Variants in BCAS1 observed in about 807,000 individuals in gnomAD.
BCAS1 encodes brain enriched myelin associated protein 1.
A neutral mutation model predicts 65.4 loss-of-function variants in BCAS1; 46 were observed. That is an observed-to-expected ratio of 0.70 (90% CI 0.55 to 0.90). The LOEUF (loss-of-function observed/expected upper bound fraction) is 0.90, where lower values mean the gene tolerates loss of function less well. BCAS1 is among the 40% of genes least tolerant of loss of function. The probability of loss-of-function intolerance (pLI) is 0.00; values close to 1 mark genes in which losing one functional copy is unlikely to be tolerated. For synonymous variants in BCAS1, 298 were observed against 293.5 expected (o/e 1.02, Z -0.16); for missense variants, 793 against 771.2 (o/e 1.03, Z -0.33).
At chr20:53,949,954 C>G (rs1213462706) in intron 12 of BCAS1, among the ~76,000 whole-genome samples, 1 of 152,176 alleles carries the variant, frequency 6.6e-6, no homozygotes, top group Non-Finnish European at 1.5e-5. Flanking sequence ...AATCACCAGG[C>G]CAATCTCCAT....
intron 1 of BCAS1, among the ~76,000 whole-genome samples, chr20:54,063,481 C>T (rs6127077): frequency 0.14 from 21,116 of 152,122 alleles, 1,938 homozygotes; most frequent in East Asian, 0.32. Context: ...CCGAGGAATC[C>T]AGCAACATTT....
intron 8 of BCAS1, among the ~76,000 whole-genome samples, chr20:53,981,379 GTTTT>G (rs1215968124): frequency 6.6e-6 from 1 of 152,080 alleles, no homozygotes; most frequent in East Asian, 1.9e-4. Context: ...ATTCAGATAC[GTTTT>G]TTAAGTTCTT....
At chr20:54,008,965 C>T (rs1367337329) in intron 4 of BCAS1, among the ~76,000 whole-genome samples, 5 of 152,106 alleles carry the variant, frequency 3.3e-5, no homozygotes, top group African/African-American at 1.2e-4. Flanking sequence ...AGGTGTGCAC[C>T]ACCACGCCCA....
chr20:53,954,529 G>T (rs1473459270), intron 11 of BCAS1, among the ~76,000 whole-genome samples: 1 of 152,200 alleles, frequency 6.6e-6, no homozygotes, highest in Non-Finnish European at 1.5e-5. Context: ...TTTGCTTCAT[G>T]AAATGGTGGT....
At chr20:54,030,599 T>C (rs2091777845) in intron 3 of BCAS1, among the ~76,000 whole-genome samples, 1 of 141,418 alleles carries the variant, frequency 7.1e-6, no homozygotes, top group Non-Finnish European at 1.6e-5. Context: ...GAGAAATACA[T>C]ACACACACAC....
At chr20:54,049,645 A>G (rs941566250) in intron 3 of BCAS1, among the ~76,000 whole-genome samples, 4 of 151,954 alleles carry the variant, frequency 2.6e-5, no homozygotes, top group African/African-American at 9.7e-5. Context: ...GACTCAAGCA[A>G]TCCTCCCACC....
intron 3 of BCAS1, among the ~76,000 whole-genome samples, chr20:54,040,610 C>T (rs1466828791): frequency 6.6e-6 from 1 of 151,206 alleles, no homozygotes; most frequent in Non-Finnish European, 1.5e-5. Context: ...AATGTCATCT[C>T]ATTAGGGAAG....
At chr20:54,000,974 A>G (rs1342851572) in intron 4 of BCAS1, among the ~76,000 whole-genome samples, 1 of 152,116 alleles carries the variant, frequency 6.6e-6, no homozygotes, top group African/African-American at 2.4e-5. Context: ...TCTTCACATC[A>G]TGAGTTACAT....
At chr20:54,043,831 T>C (rs2092047427) in intron 3 of BCAS1, among the ~76,000 whole-genome samples, 1 of 152,180 alleles carries the variant, frequency 6.6e-6, no homozygotes, top group Non-Finnish European at 1.5e-5. Context: ...GTCACTGCTA[T>C]TGGGCACTGC....
At chr20:54,043,756 A>C (rs1439240794) in intron 3 of BCAS1, among the ~76,000 whole-genome samples, 2 of 152,208 alleles carry the variant, frequency 1.3e-5, no homozygotes, top group Admixed American at 1.3e-4. Flanking sequence ...CTCCGGCTAC[A>C]GAAACTGCAC....
chr20:54,034,246 CA>C (rs1348204074), intron 3 of BCAS1, among the ~76,000 whole-genome samples: 1 of 151,348 alleles, frequency 6.6e-6, no homozygotes, highest in African/African-American at 2.4e-5. Context: ...TCTCTCTCAC[CA>C]CTCCTATTCA....
chr20:53,979,754 A>G (rs1939040558), intron 8 of BCAS1, among the ~76,000 whole-genome samples: 1 of 152,220 alleles, frequency 6.6e-6, no homozygotes, highest in African/African-American at 2.4e-5. Context: ...GCATGGATTC[A>G]TGTATGTTCA....
chr20:54,013,258 T>G (rs1164833308), intron 4 of BCAS1, among the ~76,000 whole-genome samples: 1 of 152,022 alleles, frequency 6.6e-6, no homozygotes, highest in African/African-American at 2.4e-5. Flanking sequence ...AAAAATTAAC[T>G]TGGTGTCACA....
chr20:54,046,262 G>A (rs2092102539), intron 3 of BCAS1, among the ~76,000 whole-genome samples: 1 of 152,188 alleles, frequency 6.6e-6, no homozygotes, highest in Admixed American at 6.5e-5. Flanking sequence ...GGGTGCGGTG[G>A]CTCATGCCTG....
chr20:53,964,564 T>A (rs1342915620), intron 10 of BCAS1, among the ~76,000 whole-genome samples: 1 of 152,226 alleles, frequency 6.6e-6, no homozygotes, highest in Non-Finnish European at 1.5e-5. Flanking sequence ...TGGGGATTGC[T>A]GGGGAAAAGT....
At chr20:54,034,607 T>C (rs1374516839) in intron 3 of BCAS1, among the ~76,000 whole-genome samples, 4 of 151,028 alleles carry the variant, frequency 2.6e-5, no homozygotes, top group African/African-American at 9.7e-5. Context: ...AGGAGAATAA[T>C]GAACCAGCGC....
At chr20:53,965,561 A>G (rs4811488) in intron 10 of BCAS1, among the ~76,000 whole-genome samples, 2,996 of 152,330 alleles carry the variant, frequency 0.02, 79 homozygotes, top group East Asian at 0.098. Context: ...AACAGTAAAT[A>G]TATCTATCAC....
chr20:53,985,592 T>C lies in BCAS1; in HGVS notation c.1063-93A>G. Reference sequence around the variant, plus strand: ...TCTTTTTAATAAACATGGGCTGAGGTTATACATAATGTTAATTTTCTTCTT... The same window carrying C: ...TCTTTTTAATAAACATGGGCTGAGGCTATACATAATGTTAATTTTCTTCTT... On this transcript the variant is annotated intron_variant, in intron 7 of 12. Transcript: ENST00000688948. 3 of 1,085,558 alleles carry C rather than the reference T, an allele frequency of 2.8e-6. No homozygotes were observed. In the South Asian group the frequency reaches 4.6e-5, roughly 17 times the overall value. 67.2% of individuals were successfully genotyped at this position (1,085,558 alleles called of 1,614,324 possible).
intron 5 of BCAS1, among the ~76,000 whole-genome samples, chr20:53,995,465 T>G (rs1367977581): frequency 1.3e-5 from 2 of 151,578 alleles, no homozygotes; most frequent in African/African-American, 4.8e-5. Flanking sequence ...GACAGTCTGC[T>G]TCACTATGCA....
Sources: gnomAD v4.1 joint callset for allele counts (sites outside exome capture counted in the v4.1 genomes callset) on GRCh38, gnomAD v4.1.1 for gene constraint, MANE v1.5 for transcripts, NCBI Gene and HGNC (gene_info 2026-07-23, HGNC 2026-07-21) for gene names.